The following NRXN2 variants were observed in gnomAD, a reference collection of about 807,000 sequenced individuals.
The protein encoded by NRXN2 is neurexin 2, also known as neurexin-2-beta.
Under a neutral mutation model 128.8 loss-of-function variants are expected in NRXN2, and 29 were observed. That is an observed-to-expected ratio of 0.23 (90% CI 0.17 to 0.31). NRXN2 has a LOEUF of 0.31. NRXN2 is among the 10% of genes least tolerant of loss of function. The pLI is 1.00. For missense variants in NRXN2, 1,881 were observed against 2,452.6 expected, an observed-to-expected ratio of 0.77 and a Z score of 4.92; for synonymous variants, 1,098 against 1,075.2, an observed-to-expected ratio of 1.02 and a Z score of -0.41.
At position 64,714,597 on chromosome 11, in the gene NRXN2, C is replaced by T. The variant is rs573053266; in HGVS notation, c.-244-654G>A. On this transcript the variant is annotated intron_variant, in intron 1 of 22. Coordinates refer to ENST00000265459, the MANE Select transcript of NRXN2 (RefSeq NM_015080.4). This position sits in a 1 kb window ranked among gnomAD's most constrained non-coding sequence, Gnocchi z 4.5. ...CAGTTCCCCCGAAACCACGCTCACC[C>T]CTTCCCAGGCCCCAGCCTCACTGCT... Among the ~76,000 whole-genome samples the T allele has an allele frequency of 6.4e-4, 97 of 152,206 alleles. No individual in the cohort carries two copies. The highest frequency in any genetic ancestry group is 1.2e-3 in the South Asian group (6 of 4,820).
Position 64,651,385 on chromosome 11 carries a change from C to T in NRXN2, c.2788G>A (p.Ala930Thr), listed in dbSNP as rs1349963489. The T allele has an allele frequency of 1.9e-6, 3 of 1,614,032 alleles. No individual in the cohort carries two copies. Among genetic ancestry groups the T allele is most frequent in the Non-Finnish European group, 2.5e-6 (3 of 1,180,026 alleles). ...GCATAGGCTTGGAGCGTGGCGAGTG[C>T]CAGGTAGCTGCTGCGACTCTTGAAG... Reference protein sequence around the residue: ...VTFKSRSSYLALATLQAYASM... With the variant: ...VTFKSRSSYLTLATLQAYASM... Residue 930 changes from alanine (A) to threonine (T), a missense_variant, in exon 14 of 23, where the codon GCA (alanine) becomes ACA (threonine). Ala to Thr is a moderately conservative substitution (Grantham distance 58, BLOSUM62 0). Coordinates refer to ENST00000265459, the MANE Select transcript of NRXN2 (RefSeq NM_015080.4). The surrounding 1 kb of genome is among the most constrained non-coding windows in gnomAD (Gnocchi z 5.9).
intron 20 of NRXN2, 71 bp downstream of exon 20, chr11:64,626,390 AAG>A (rs1253143993): frequency 8.0e-7 from 1 of 1,251,038 alleles, no homozygotes; most frequent in East Asian, 2.6e-5. Context: ...CGGAGGGGGA[AAG>A]AGAGAGCTCT....
At chr11:64,618,919 G>T (rs537869522) in intron 22 of NRXN2, among the ~76,000 whole-genome samples, 1 of 152,246 alleles carries the variant, frequency 6.6e-6, no homozygotes, top group Non-Finnish European at 1.5e-5. Context: ...GGGTCTGGGC[G>T]CCTGTGCCCC....
chr11:64,681,658 T>C (rs2052309527), intron 6 of NRXN2, among the ~76,000 whole-genome samples: 1 of 152,234 alleles, frequency 6.6e-6, no homozygotes, highest in Non-Finnish European at 1.5e-5. Context: ...GTTGTATAAC[T>C]TGCCTAAAAG....
intron 6 of NRXN2, among the ~76,000 whole-genome samples, chr11:64,681,450 C>G (rs2052274205): frequency 1.3e-5 from 2 of 152,026 alleles, no homozygotes; most frequent in Non-Finnish European, 2.9e-5. Context: ...AAGAACATAG[C>G]AAAGAAGGAA....
In NRXN2 at chr11:64,668,565, A is replaced by G; in HGVS notation, c.1237T>C (p.Tyr413His). The change falls in exon 8 of 23, where the codon TAC becomes CAC. Residue 413 changes from tyrosine (Y) to histidine (H), a missense_variant. Physicochemically the swap from Tyr to His is moderately conservative, Grantham distance 83. This residue lies in a region of NRXN2 where 997 missense variants were observed against 1,240.8 expected (regional missense o/e 0.80). Coordinates refer to ENST00000265459, the MANE Select transcript of NRXN2 (RefSeq NM_015080.4). ...AGCATGGTGTAATCCTCCTGCGTGT[A>G]GCCTGTGGTGGTCAGGATCCCGTCC... The part of the protein sequence containing the change: ...SVDGILTTTG[Y>H]TQEDYTMLGS... 1 of 1,613,988 alleles carries G rather than the reference A, an allele frequency of 6.2e-7. No homozygotes were observed. Among genetic ancestry groups the G allele is most frequent in the Non-Finnish European group, 8.5e-7 (1 of 1,180,012 alleles).
intron 19 of NRXN2, among the ~76,000 whole-genome samples, chr11:64,627,057 C>A (rs1261682020): frequency 1.3e-5 from 2 of 152,120 alleles, no homozygotes. Flanking sequence ...ACCCAGCACG[C>A]ACATTGAACA....
intron 9 of NRXN2, among the ~76,000 whole-genome samples, chr11:64,663,089 G>A (rs2049283141): frequency 6.6e-6 from 1 of 151,930 alleles, no homozygotes; most frequent in East Asian, 1.9e-4. Flanking sequence ...CTCACCTGAG[G>A]CCGGGCGCAA....
At chr11:64,716,347 G>A (rs1211972534) in intron 1 of NRXN2, among the ~76,000 whole-genome samples, 1 of 151,764 alleles carries the variant, frequency 6.6e-6, no homozygotes, top group Admixed American at 6.6e-5. Flanking sequence ...TTAGGGAGAT[G>A]GCAGACGGGT....
At position 64,615,829 on chromosome 11, in the gene NRXN2, CGTGTGTGT is replaced by C. The variant is rs34781745; in HGVS notation, c.4252+4457_4252+4464del. 9.8e-3 allele frequency among the ~76,000 whole-genome samples: 1,368 copies of C among 139,100 alleles called. 23 individuals are homozygous for C. The highest frequency in any genetic ancestry group is 0.032 in the African/African-American group (1,243 of 38,422). 91.3% of individuals were successfully genotyped at this position (139,100 alleles called of 152,430 possible). On this transcript the variant is annotated intron_variant, in intron 22 of 22. Coordinates refer to ENST00000265459, the MANE Select transcript of NRXN2 (RefSeq NM_015080.4). ...CTGTGTGGGCTAATGTAGGCCCAAG[CGTGTGTGT>C]GTGTGTGTGTGTGTGTGTGTGTGTG...
intron 4 of NRXN2, among the ~76,000 whole-genome samples, chr11:64,691,190 T>C (rs982887264): frequency 5.3e-5 from 8 of 152,180 alleles, no homozygotes; most frequent in African/African-American, 1.7e-4. Context: ...CATCCCACCA[T>C]TGTGCCTACA....
At chr11:64,722,297 C>T (rs2057454973) in intron 1 of NRXN2, among the ~76,000 whole-genome samples, 1 of 151,006 alleles carries the variant, frequency 6.6e-6, no homozygotes. Context: ...CTCATCACCC[C>T]CAGCCTTCCC....
At chr11:64,711,499 C>A (rs920503152) in intron 2 of NRXN2, among the ~76,000 whole-genome samples, 7 of 152,122 alleles carry the variant, frequency 4.6e-5, no homozygotes. Context: ...CCCTGCCCCC[C>A]GACACCACAG....
intron 2 of NRXN2, among the ~76,000 whole-genome samples, chr11:64,702,162 C>T (rs1395112138): frequency 6.8e-6 from 1 of 146,860 alleles, no homozygotes; most frequent in Non-Finnish European, 1.5e-5. Flanking sequence ...CCAGCCGCCC[C>T]GTCCGGGAGG....
chr11:64,645,730 G>A (rs576336746), intron 17 of NRXN2, among the ~76,000 whole-genome samples: 209 of 152,232 alleles, frequency 1.4e-3, no homozygotes, highest in African/African-American at 4.9e-3. Flanking sequence ...GAGGTGGTAA[G>A]TGGGGAAAAG....
rs1386649710 is a variant in NRXN2 at position 64,607,972 on chromosome 11, C to G, written c.4363G>C (p.Gly1455Arg). ...AGCGTGTCTTGGGTGGCGCCCACTC[C>G]CGTGAGGAAGGGGTAGAAGGTAGGG... ...PPPTFYPFLT[G>R]VGATQDTLPP... Residue 1455 changes from glycine (G) to arginine (R), a missense_variant, in exon 23 of 23, where the codon GGA becomes CGA. Around this residue, in one of 7 missense-constraint regions of NRXN2, gnomAD observed 310 missense variants for 318.2 expected, o/e 0.97. Transcript: ENST00000265459. 6.5e-7 allele frequency: 1 copy of G among 1,543,452 alleles called. No individual in the cohort carries two copies. Among genetic ancestry groups the G allele is most frequent in the Non-Finnish European group, 8.7e-7 (1 of 1,146,540 alleles).
chr11:64,641,006 A>G (rs2045576485), intron 17 of NRXN2, among the ~76,000 whole-genome samples: 1 of 152,138 alleles, frequency 6.6e-6, no homozygotes, highest in Non-Finnish European at 1.5e-5. Flanking sequence ...ACAGGAAGTG[A>G]TGAGGGTACA....
intron 1 of NRXN2, among the ~76,000 whole-genome samples, chr11:64,720,680 G>T (rs1019185526): frequency 6.6e-6 from 1 of 152,194 alleles, no homozygotes; most frequent in Non-Finnish European, 1.5e-5. Flanking sequence ...ACATGTGCTG[G>T]TGTGCACACA....
In NRXN2 at chr11:64,709,122, G is replaced by A. The variant is rs536073841; in HGVS notation, c.730+3848C>T. 7.9e-5 allele frequency among the ~76,000 whole-genome samples: 12 copies of A among 151,474 alleles called. No homozygotes were observed. The South Asian group carries it at 2.5e-3, about 32-fold the overall frequency. On this transcript the variant is annotated intron_variant, in intron 2 of 22. Transcript: ENST00000265459. ...CAGGAGAATCGCTTGAGCCCAGGAG[G>A]TGGAGATTGCAGTGAGCTGAGATCG...
Sources: allele counts gnomAD v4.1 joint callset (sites outside exome capture counted in the v4.1 genomes callset), GRCh38; gene constraint gnomAD v4.1.1; regional missense constraint gnomAD v4.1.1; non-coding constraint Gnocchi (gnomAD v3.1); transcripts MANE v1.5; gene names NCBI Gene and HGNC (gene_info 2026-07-23, HGNC 2026-07-21).